RABGEF1: variants seen among roughly 807,000 people sequenced by gnomAD.
RABGEF1 encodes RAB guanine nucleotide exchange factor 1, also known as rab5 GDP/GTP exchange factor.
Under a neutral mutation model 57.3 loss-of-function variants are expected in RABGEF1, and 26 were observed. That is an observed-to-expected ratio of 0.45 (90% CI 0.33 to 0.63). The LOEUF (loss-of-function observed/expected upper bound fraction) is 0.63. Among genes scored for constraint, RABGEF1 ranks in the 20% least tolerant of loss-of-function variants. RABGEF1 has a pLI of 0.02. For synonymous variants in RABGEF1, 185 were observed against 210.7 expected, an observed-to-expected ratio of 0.88 and a Z score of 1.06; for missense variants, 464 against 607.6, an observed-to-expected ratio of 0.76 and a Z score of 2.48.
At chr7:66,662,016 G>A in the RABGEF1 span, among the ~76,000 whole-genome samples, 6 of 152,148 alleles carry the variant, frequency 3.9e-5, no homozygotes, top group African/African-American at 4.8e-5. Context: ...TTGGGAGGCC[G>A]AGGCGGGTGG....
intron 1 of RABGEF1, among the ~76,000 whole-genome samples, chr7:66,686,401 G>A (rs1366074965): frequency 6.6e-6 from 1 of 152,108 alleles, no homozygotes; most frequent in African/African-American, 2.4e-5. Flanking sequence ...GAGTCCGGAA[G>A]TTCCAGGCTG....
At chr7:66,688,078 T>A (rs1462181628) in intron 1 of RABGEF1, among the ~76,000 whole-genome samples, 2 of 96,268 alleles carry the variant, frequency 2.1e-5, no homozygotes, top group Non-Finnish European at 2.0e-5. Context: ...AGAGTGAAAC[T>A]CTGTGTCAAA....
chr7:66,771,333 G>C (rs1807074760), intron 1 of RABGEF1, among the ~76,000 whole-genome samples: 2 of 152,016 alleles, frequency 1.3e-5, no homozygotes, highest in Non-Finnish European at 1.5e-5. Flanking sequence ...TAGAGACAGG[G>C]TTTCACCGTG....
At chr7:66,775,092 C>T in intron 2 of RABGEF1, 135 bp from the exon 3 acceptor site, 1 of 932,520 alleles carries the variant, frequency 1.1e-6, no homozygotes, top group Non-Finnish European at 1.6e-6. Context: ...AATGTGAGAC[C>T]TCAGACTGAT....
At chr7:66,796,531 G>A (rs75278222) in intron 5 of RABGEF1, among the ~76,000 whole-genome samples, 2,229 of 152,298 alleles carry the variant, frequency 0.015, 62 homozygotes, top group East Asian at 0.095. Flanking sequence ...GACAACTTCA[G>A]TTAGAACTGA....
At chr7:66,781,729 C>T (rs1161057389) in intron 3 of RABGEF1, among the ~76,000 whole-genome samples, 1 of 152,216 alleles carries the variant, frequency 6.6e-6, no homozygotes, top group East Asian at 1.9e-4. Flanking sequence ...GTAGCCCTCT[C>T]CCCTCCGTAG....
chr7:66,781,291 T>A (rs1809839683), intron 3 of RABGEF1, among the ~76,000 whole-genome samples: 1 of 152,186 alleles, frequency 6.6e-6, no homozygotes, highest in Non-Finnish European at 1.5e-5. Flanking sequence ...GAAAAAAAAA[T>A]TAAAACAGTA....
At chr7:66,747,284 G>A (rs1800485412) in intron 1 of RABGEF1, among the ~76,000 whole-genome samples, 1 of 152,140 alleles carries the variant, frequency 6.6e-6, no homozygotes, top group Non-Finnish European at 1.5e-5. Flanking sequence ...TTTTCCCCCA[G>A]TAACAGTGAG....
chr7:66,683,261 A>C (rs1790068139), intron 1 of RABGEF1, among the ~76,000 whole-genome samples: 1 of 152,146 alleles, frequency 6.6e-6, no homozygotes, highest in South Asian at 2.1e-4. Flanking sequence ...TAGAGACGTG[A>C]GCCATTGCGC....
At chr7:66,737,996 T>C (rs1798207898), upstream of RABGEF1, among the ~76,000 whole-genome samples, 4 of 151,990 alleles carry the variant, frequency 2.6e-5, no homozygotes, top group Admixed American at 2.6e-4. Flanking sequence ...AGCTGCAAGC[T>C]TCTTGGTTGT....
At chr7:66,797,298 T>G (rs1195629638) in intron 5 of RABGEF1, 76 bp from the exon 6 acceptor site, 1 of 740,872 alleles carries the variant, frequency 1.3e-6, no homozygotes, top group African/African-American at 2.1e-5. Context: ...AGCCAGACTC[T>G]TTGTTTGCAA....
chr7:66,689,730 A>T lies in RABGEF1; in HGVS notation c.-873+7472A>T, dbSNP rs1584659956. ...GGCAGGAGAATCACTTGAACCCGGG[A>T]GGCGGAGGTTGCAGTGAACCGAGAT... On this transcript the variant is annotated intron_variant and NMD_transcript_variant, in intron 1 of 9. Coordinates refer to the RABGEF1 transcript ENST00000607882. Among the ~76,000 whole-genome samples the T allele has an allele frequency of 1.3e-5, 2 of 151,676 alleles. 1 individual carries two copies. Among genetic ancestry groups the T allele is most frequent in the South Asian group, 4.2e-4 (2 of 4,788 alleles).
At chr7:66,663,313 C>G in the RABGEF1 span, among the ~76,000 whole-genome samples, 1 of 152,186 alleles carries the variant, frequency 6.6e-6, no homozygotes, top group African/African-American at 2.4e-5. Context: ...TCCCTGATTT[C>G]CCACTTCACG....
chr7:66,756,403 C>CT (rs1802724442), intron 1 of RABGEF1, among the ~76,000 whole-genome samples: 1 of 152,188 alleles, frequency 6.6e-6, no homozygotes, highest in South Asian at 2.1e-4. Context: ...TGCACATACC[C>CT]TTTGGCATTC....
chr7:66,756,114 A>C, intron 1 of RABGEF1: 1 of 1,284,026 alleles, frequency 7.8e-7, no homozygotes, highest in Non-Finnish European at 1.0e-6. Context: ...AATATCTATA[A>C]ATCAAAAGAA....
intron 2 of RABGEF1, among the ~76,000 whole-genome samples, chr7:66,719,455 CG>C (rs1170072175): frequency 1.3e-5 from 2 of 152,230 alleles, no homozygotes; most frequent in African/African-American, 4.8e-5. Context: ...CTCGGCCCCC[CG>C]CAGTGTGCTG....
upstream of RABGEF1, among the ~76,000 whole-genome samples, chr7:66,680,401 C>T (rs1194823000): frequency 2.6e-5 from 4 of 152,070 alleles, no homozygotes; most frequent in Admixed American, 1.3e-4. Context: ...TGTGCCACCA[C>T]GCCCAGCTAA....
intron 1 of RABGEF1, among the ~76,000 whole-genome samples, chr7:66,749,919 A>C (rs1562781541): frequency 6.6e-6 from 1 of 152,180 alleles, no homozygotes; most frequent in African/African-American, 2.4e-5. Context: ...GCTTGCAGTG[A>C]GCCGAGATCG....
At chr7:66,774,967 T>C (rs1808175702) in intron 2 of RABGEF1, among the ~76,000 whole-genome samples, 1 of 152,150 alleles carries the variant, frequency 6.6e-6, no homozygotes, top group Admixed American at 6.5e-5. Flanking sequence ...TTGAGCTTGT[T>C]AGGGAAAAGG....
Sources: allele counts gnomAD v4.1 joint callset (sites outside exome capture counted in the v4.1 genomes callset), GRCh38; gene constraint gnomAD v4.1.1; transcripts MANE v1.5; gene names NCBI Gene and HGNC (gene_info 2026-07-23, HGNC 2026-07-21).